The following DSCAM variants were observed in gnomAD, a reference collection of about 807,000 sequenced individuals.
DSCAM encodes DS cell adhesion molecule.
Under a neutral mutation model 217.7 loss-of-function variants are expected in DSCAM, and 47 were observed. That is an observed-to-expected ratio of 0.22 (90% confidence interval 0.17 to 0.28). DSCAM has a LOEUF of 0.28. DSCAM is among the 10% of genes least tolerant of loss of function. The pLI is 1.00. For missense variants in DSCAM, 2,080 were observed against 2,618.3 expected (o/e 0.79, Z 4.49); for synonymous variants, 1,056 against 1,015.3 (o/e 1.04, Z -0.76).
chr21:40,825,820 G>A (rs1400158213), intron 1 of DSCAM, among the ~76,000 whole-genome samples: 2 of 152,050 alleles, frequency 1.3e-5, no homozygotes, highest in African/African-American at 4.8e-5. Context: ...TACAAGTGCA[G>A]ATCTTCCAAA....
intron 8 of DSCAM, among the ~76,000 whole-genome samples, chr21:40,329,821 T>C (rs914082057): frequency 3.9e-5 from 6 of 152,020 alleles, no homozygotes; most frequent in Admixed American, 2.6e-4. Context: ...ATCTAACTCA[T>C]ATATGCAATC....
chr21:40,777,404 T>C (rs1475326779), intron 1 of DSCAM, among the ~76,000 whole-genome samples: 1 of 152,198 alleles, frequency 6.6e-6, no homozygotes, highest in Middle Eastern at 3.2e-3. Flanking sequence ...TTATATAAGT[T>C]TCCTTCCTAT....
chr21:40,371,926 A>C (rs1375238188), intron 3 of DSCAM, among the ~76,000 whole-genome samples: 1 of 152,204 alleles, frequency 6.6e-6, no homozygotes, highest in Non-Finnish European at 1.5e-5. Flanking sequence ...TAAATGGGTT[A>C]ATTTGACCTC....
intron 3 of DSCAM, among the ~76,000 whole-genome samples, chr21:40,396,202 T>C (rs1569102956): frequency 1.3e-5 from 2 of 152,320 alleles, no homozygotes; most frequent in South Asian, 4.1e-4. Flanking sequence ...AATTCCAAAA[T>C]AGTATATTTA....
intron 3 of DSCAM, among the ~76,000 whole-genome samples, chr21:40,442,517 G>GTTTTTTT (rs35821647): frequency 2.4e-5 from 1 of 41,882 alleles, no homozygotes; most frequent in Non-Finnish European, 5.5e-5. Context: ...TTTTTTTTTT[G>GTTTTTTT]TTTTTTTTTT....
In DSCAM at chr21:40,369,385, C is replaced by CGTGTGTGTGTGTGTGTGT. The variant is rs35564463; in HGVS notation, c.509-158_509-141dup. ...GGCTAAAAATGGGTGCGTGCGTCTG[C>CGTGTGTGTGTGTGTGTGT]GTGTGTGTGTGTGTGTGTGTGTGTG... On this transcript the variant is annotated intron_variant, in intron 3 of 32. Transcript: ENST00000400454. The CGTGTGTGTGTGTGTGTGT allele has an allele frequency of 1.3e-4, 51 of 385,402 alleles. 1 individual carries two copies. Among genetic ancestry groups the CGTGTGTGTGTGTGTGTGT allele is most frequent in the Admixed American group, 4.5e-5 (1 of 22,448 alleles). 23.9% of individuals were successfully genotyped at this position (385,402 alleles called of 1,614,324 possible).
chr21:40,419,887 CATAG>C (rs1388328323), intron 3 of DSCAM, among the ~76,000 whole-genome samples: 4 of 151,922 alleles, frequency 2.6e-5, no homozygotes, highest in African/African-American at 7.3e-5. Context: ...CCAAGAAACC[CATAG>C]ATACTTTTTT....
intron 26 of DSCAM, among the ~76,000 whole-genome samples, chr21:40,076,812 G>C (rs1006351604): frequency 2.6e-5 from 4 of 152,154 alleles, no homozygotes; most frequent in Non-Finnish European, 5.9e-5. Flanking sequence ...AGAGAAGCTG[G>C]GAACCAGAGT....
chr21:40,147,245 C>T (rs1947204205), intron 16 of DSCAM, among the ~76,000 whole-genome samples: 1 of 152,104 alleles, frequency 6.6e-6, no homozygotes, highest in African/African-American at 2.4e-5. Context: ...CATAGAGCCA[C>T]CAATTTAGCT....
intron 16 of DSCAM, among the ~76,000 whole-genome samples, chr21:40,160,334 C>A (rs2090526786): frequency 6.6e-6 from 1 of 152,142 alleles, no homozygotes; most frequent in Non-Finnish European, 1.5e-5. Flanking sequence ...GTACTTTTTA[C>A]ACTGTATTCT....
intron 3 of DSCAM, among the ~76,000 whole-genome samples, chr21:40,508,914 G>A (rs112078665): frequency 0.04 from 6,019 of 149,648 alleles, 269 homozygotes; most frequent in African/African-American, 0.11. Flanking sequence ...TGGGATTACA[G>A]GCATGAGCCA....
At chr21:40,449,860 T>G (rs1294698577) in intron 3 of DSCAM, among the ~76,000 whole-genome samples, 1 of 152,234 alleles carries the variant, frequency 6.6e-6, no homozygotes, top group African/African-American at 2.4e-5. Flanking sequence ...TATATTTGAT[T>G]TAAGCCTATT....
At chr21:40,184,531 G>A (rs1032705474) in intron 14 of DSCAM, among the ~76,000 whole-genome samples, 1 of 152,160 alleles carries the variant, frequency 6.6e-6, no homozygotes, top group Non-Finnish European at 1.5e-5. Flanking sequence ...TCTGGTTGAA[G>A]TAGGGCATGA....
intron 3 of DSCAM, among the ~76,000 whole-genome samples, chr21:40,564,117 G>A (rs1340662559): frequency 6.6e-6 from 1 of 152,230 alleles, no homozygotes; most frequent in South Asian, 2.1e-4. Flanking sequence ...CACAATAAAT[G>A]TGCTTGGTCA....
intron 15 of DSCAM, among the ~76,000 whole-genome samples, chr21:40,169,065 G>T (rs2090627897): frequency 1.3e-5 from 2 of 152,074 alleles, no homozygotes; most frequent in Admixed American, 6.6e-5. Flanking sequence ...ACAACAAAAG[G>T]TAAACTTGAA....
intron 11 of DSCAM, among the ~76,000 whole-genome samples, chr21:40,246,679 A>G (rs1223823097): frequency 6.6e-6 from 1 of 152,170 alleles, no homozygotes; most frequent in East Asian, 1.9e-4. Flanking sequence ...AGTGCTAGAA[A>G]TCAGGCAGAA....
chr21:40,687,553 T>C (rs2090493290), intron 3 of DSCAM, among the ~76,000 whole-genome samples: 1 of 151,838 alleles, frequency 6.6e-6, no homozygotes, highest in African/African-American at 2.4e-5. Context: ...GTGCTAGCTC[T>C]CCCTCCCTCC....
At chr21:40,534,434 T>C (rs1184755570) in intron 3 of DSCAM, among the ~76,000 whole-genome samples, 3 of 152,142 alleles carry the variant, frequency 2.0e-5, no homozygotes, top group African/African-American at 7.2e-5. Context: ...AATAGGAAAT[T>C]CGACTAGAAA....
chr21:40,364,255 A>G (rs1008656001), intron 4 of DSCAM, among the ~76,000 whole-genome samples: 2 of 152,178 alleles, frequency 1.3e-5, no homozygotes, highest in African/African-American at 4.8e-5. Flanking sequence ...ATTATTCACA[A>G]TAGCAAAGAC....
Sources: allele counts gnomAD v4.1 joint callset (sites outside exome capture counted in the v4.1 genomes callset), GRCh38; gene constraint gnomAD v4.1.1; transcripts MANE v1.5; gene names NCBI Gene and HGNC (gene_info 2026-07-23, HGNC 2026-07-21).